The following CNTNAP4 variants were observed in gnomAD, a reference collection of about 807,000 sequenced individuals.
CNTNAP4 encodes the protein contactin-associated protein-like 4.
In CNTNAP4, 98 loss-of-function variants were observed where a neutral mutation model predicts 148.4. The observed-to-expected ratio is 0.66, with a 90% CI of 0.56 to 0.78. CNTNAP4 has a LOEUF of 0.78. CNTNAP4 is among the 30% of genes least tolerant of loss of function. CNTNAP4 has a pLI of 0.00. For synonymous variants in CNTNAP4, 730 were observed against 565.1 expected, an observed-to-expected ratio of 1.29 and a Z score of -4.14; for missense variants, 1,935 against 1,565.6, an observed-to-expected ratio of 1.24 and a Z score of -3.98.
At chr16:76,468,977 A>G (rs2081275123) in intron 10 of CNTNAP4, among the ~76,000 whole-genome samples, 1 of 152,240 alleles carries the variant, frequency 6.6e-6, no homozygotes, top group Non-Finnish European at 1.5e-5. Flanking sequence ...TTGAATAAAT[A>G]CATAAATTAT....
chr16:76,367,382 G>C (rs1214435478), intron 3 of CNTNAP4, among the ~76,000 whole-genome samples: 1 of 151,860 alleles, frequency 6.6e-6, no homozygotes, highest in Non-Finnish European at 1.5e-5. Flanking sequence ...CTAGGCAAAG[G>C]GAACCAAACC....
At chr16:76,417,041 T>C (rs961565701) in intron 3 of CNTNAP4, among the ~76,000 whole-genome samples, 9 of 151,382 alleles carry the variant, frequency 5.9e-5, no homozygotes, top group Admixed American at 3.3e-4. Flanking sequence ...TTTTATTTTT[T>C]ATTAGTGTTA....
rs1448822856 is a variant in CNTNAP4, at chr16:76,472,027, T to C, written c.1656-3912T>C. On this transcript the variant is annotated intron_variant, in intron 10 of 23. Coordinates refer to ENST00000611870, the MANE Select transcript of CNTNAP4 (RefSeq NM_033401.5). ...GAATCATGAGAAATCAAAATCTTAC[T>C]ATCACTTTAGGTTTGGGTATGTTGA... is the stretch of plus-strand genomic sequence containing the variant. 3.3e-5 allele frequency among the ~76,000 whole-genome samples: 5 copies of C among 152,274 alleles called. No homozygotes were observed. In the East Asian group the frequency reaches 9.6e-4, roughly 29 times the overall value.
chr16:76,458,767 G>T (rs1268958313), intron 8 of CNTNAP4, among the ~76,000 whole-genome samples: 1 of 152,150 alleles, frequency 6.6e-6, no homozygotes, highest in Non-Finnish European at 1.5e-5. Flanking sequence ...CCTGGTATCG[G>T]TCCATGGCCC....
At chr16:76,311,009 A>G (rs1961042194) in intron 1 of CNTNAP4, among the ~76,000 whole-genome samples, 1 of 152,160 alleles carries the variant, frequency 6.6e-6, no homozygotes, top group South Asian at 2.1e-4. Flanking sequence ...AGAGTTAATA[A>G]TATCAAATAT....
At chr16:76,414,486 C>T (rs549502323) in intron 3 of CNTNAP4, among the ~76,000 whole-genome samples, 367 of 151,134 alleles carry the variant, frequency 2.4e-3, no homozygotes, top group African/African-American at 8.5e-3. Context: ...CTTTTATTTT[C>T]CTTCTTGCAA....
chr16:76,349,297 C>A (rs1327170267), intron 2 of CNTNAP4, among the ~76,000 whole-genome samples: 1 of 152,142 alleles, frequency 6.6e-6, no homozygotes, highest in African/African-American at 2.4e-5. Flanking sequence ...CCTGAAATTG[C>A]TCCATGGTCA....
chr16:76,540,826 T>C, intron 21 of CNTNAP4, 36 bp downstream of exon 21: 2 of 1,391,546 alleles, frequency 1.4e-6, no homozygotes, highest in Non-Finnish European at 2.0e-6. Context: ...CTAACCATGC[T>C]AATCATGATA....
In CNTNAP4 at chr16:76,514,148, G is replaced by A. The variant is rs958221674; in HGVS notation, c.2366-6992G>A. On this transcript the variant is annotated intron_variant, in intron 15 of 23. Transcript: ENST00000611870. ...AAATAGAATAAGGATGTTACGCTTG[G>A]GAGGCTCTCTCGTCTGATGCCCAAC... is the stretch of plus-strand genomic sequence containing the variant. 7.2e-5 allele frequency among the ~76,000 whole-genome samples: 11 copies of A among 152,214 alleles called. No homozygotes were observed. The East Asian group carries it at 2.1e-3, about 29-fold the overall frequency.
intron 2 of CNTNAP4, among the ~76,000 whole-genome samples, chr16:76,342,577 A>G (rs1055327929): frequency 1.4e-5 from 2 of 140,738 alleles, no homozygotes; most frequent in African/African-American, 5.5e-5. Context: ...GGTTCACACC[A>G]TTCTCCTGTG....
chr16:76,371,430 T>C (rs28674014), intron 3 of CNTNAP4, among the ~76,000 whole-genome samples: 7,662 of 152,034 alleles, frequency 0.05, 620 homozygotes, highest in African/African-American at 0.17. Context: ...GGATTACAGG[T>C]GCGTGCCTCC....
chr16:76,353,216 C>A (rs1306411916), intron 2 of CNTNAP4, among the ~76,000 whole-genome samples: 1 of 152,040 alleles, frequency 6.6e-6, no homozygotes, highest in Non-Finnish European at 1.5e-5. Flanking sequence ...CAATGATTCA[C>A]TTGAAGAAAG....
At chr16:76,363,169 T>C (rs2013653091) in intron 3 of CNTNAP4, among the ~76,000 whole-genome samples, 2 of 151,690 alleles carry the variant, frequency 1.3e-5, no homozygotes, top group Admixed American at 1.3e-4. Flanking sequence ...TCTTTTTTTT[T>C]TTTTTTTGGG....
At chr16:76,536,200 T>G (rs954374474) in intron 18 of CNTNAP4, among the ~76,000 whole-genome samples, 2 of 152,098 alleles carry the variant, frequency 1.3e-5, no homozygotes, top group African/African-American at 4.8e-5. Context: ...ACTTTTTTTT[T>G]TATTTGAGAC....
At chr16:76,484,250 C>T (rs1400738258) in intron 12 of CNTNAP4, among the ~76,000 whole-genome samples, 4 of 87,366 alleles carry the variant, frequency 4.6e-5, no homozygotes, top group East Asian at 4.0e-4. Flanking sequence ...TCAGATGGGT[C>T]ATAGATCCCA....
intron 8 of CNTNAP4, among the ~76,000 whole-genome samples, chr16:76,458,042 G>A (rs2143344209): frequency 6.6e-6 from 1 of 152,262 alleles, no homozygotes; most frequent in South Asian, 2.1e-4. Context: ...GTGAGAACAT[G>A]CTGTATTTGG....
rs12599021 is a variant in CNTNAP4 at position 76,558,736 on chromosome 16, G to A, written c.*53G>A. ...ATGATAGTTTGTTTTAATAGCCAGG[G>A]GTTCTCAATGGAAAAACGAATGCTC... On this transcript the variant is annotated 3_prime_UTR_variant, in exon 24 of 24. Transcript: ENST00000611870. 0.25 allele frequency: 332,496 copies of A among 1,350,396 alleles called. 43,077 individuals carry two copies. The highest frequency in any genetic ancestry group is 0.28 in the Admixed American group (12,982 of 45,698). 83.7% of individuals were successfully genotyped at this position (1,350,396 alleles called of 1,614,324 possible). A position where few individuals can be genotyped will look rare whatever the true frequency, so the allele number is the denominator to read the frequency against.
At chr16:76,351,212 T>C (rs2011694998) in intron 2 of CNTNAP4, among the ~76,000 whole-genome samples, 1 of 152,192 alleles carries the variant, frequency 6.6e-6, no homozygotes, top group Non-Finnish European at 1.5e-5. Context: ...TTGCTGGAGT[T>C]AGTCATCACT....
chr16:76,281,022 A>G (rs1048404670), intron 1 of CNTNAP4, among the ~76,000 whole-genome samples: 1 of 152,068 alleles, frequency 6.6e-6, no homozygotes, highest in Non-Finnish European at 1.5e-5. Context: ...ACTTAATTAG[A>G]AGTTAACATC....
Sources: allele counts gnomAD v4.1 joint callset (sites outside exome capture counted in the v4.1 genomes callset), GRCh38; gene constraint gnomAD v4.1.1; transcripts MANE v1.5; gene names NCBI Gene and HGNC (gene_info 2026-07-23, HGNC 2026-07-21).